OR1I1: variants seen among roughly 807,000 people sequenced by gnomAD.
OR1I1 encodes the protein olfactory receptor 1I1.
For missense variants in OR1I1, 451 were observed against 443.6 expected (o/e 1.02, Z -0.15); for synonymous variants, 171 against 181.4 (o/e 0.94, Z 0.46).
Position 15,089,940 on chromosome 19 carries a change from A to G in OR1I1, c.*1807A>G, listed in dbSNP as rs1442730933. ...ATAGGGTGTTTACAGAGGTCATTAG[A>G]TTACAGTAAGGTCATTAGGTTGGTC... On this transcript the variant is annotated 3_prime_UTR_variant, in exon 2 of 2. Coordinates refer to ENST00000641398, the MANE Select transcript of OR1I1 (RefSeq NM_001004713.2). 6.6e-6 allele frequency: 1 copy of G among 152,176 alleles called. No homozygotes were observed. The highest frequency in any genetic ancestry group is 1.5e-5 in the Non-Finnish European group (1 of 68,048). 9.4% of individuals were successfully genotyped at this position (152,176 alleles called of 1,614,324 possible).
At chr19:15,085,176 A>ATATATTTTT (rs1555717400) in intron 1 of OR1I1, among the ~76,000 whole-genome samples, 30 of 80,108 alleles carry the variant, frequency 3.7e-4, no homozygotes, top group Non-Finnish European at 5.1e-4. Flanking sequence ...ATATATATAT[A>ATATATTTTT]TTTTTTTTTT....
rs1490848532 is a variant in OR1I1, at chr19:15,088,090, C to A, written c.1025C>A (p.Pro342His). 1 of 1,567,022 alleles carries A rather than the reference C, an allele frequency of 6.4e-7. No individual in the cohort carries two copies. Among genetic ancestry groups the A allele is most frequent in the Non-Finnish European group, 8.7e-7 (1 of 1,150,952 alleles). ...RDTEMHPIPY[P>H]GGVQSLAGNR... Reference sequence around the variant, plus strand: ...ACAGAGATGCATCCCATCCCCTACCCTGGAGGAGTTCAGAGTCTAGCTGGG... The same window carrying A: ...ACAGAGATGCATCCCATCCCCTACCATGGAGGAGTTCAGAGTCTAGCTGGG... The change falls in exon 2 of 2, where the codon CCT (proline) becomes CAT (histidine). Residue 342 changes from proline (P) to histidine (H), a missense_variant. Coordinates refer to ENST00000641398, the MANE Select transcript of OR1I1 (RefSeq NM_001004713.2).
At position 15,090,203 on chromosome 19, in the gene OR1I1, T is replaced by TA. The variant is rs2046251176; in HGVS notation, c.*2070_*2071insA. 6.8e-6 allele frequency: 1 copy of TA among 147,238 alleles called. No individual in the cohort carries two copies. Among genetic ancestry groups the TA allele is most frequent in the African/African-American group, 2.5e-5 (1 of 39,458 alleles). 9.1% of individuals were successfully genotyped at this position (147,238 alleles called of 1,614,324 possible). ...AAAGCTGCTGACAACTGATCTTTTT[T>TA]TTTTTTTTTTTTTTTTGAGACGGAG... On this transcript the variant is annotated 3_prime_UTR_variant, in exon 2 of 2. Transcript: ENST00000641398.
chr19:15,087,399 A>G lies in OR1I1; in HGVS notation c.334A>G (p.Ser112Gly). Residue 112 changes from serine (S) to glycine (G), a missense_variant, in exon 2 of 2, where the codon AGC becomes GGC. Ser to Gly is a moderately conservative substitution (Grantham distance 56, BLOSUM62 0). Coordinates refer to ENST00000641398, the MANE Select transcript of OR1I1 (RefSeq NM_001004713.2). ...YAFHLFGTMD[S>G]FLLAVMAIDR... is the part of the protein sequence containing the mutation. ...CTTCCACCTGTTCGGGACCATGGACAGCTTTCTCCTGGCAGTAATGGCCAT... is the reference window on the plus strand; with the variant it reads ...CTTCCACCTGTTCGGGACCATGGACGGCTTTCTCCTGGCAGTAATGGCCAT... The G allele has an allele frequency of 6.2e-7, 1 of 1,614,174 alleles. No homozygotes were observed. Among genetic ancestry groups the G allele is most frequent in the Non-Finnish European group, 8.5e-7 (1 of 1,180,040 alleles).
chr19:15,086,824 C>A (rs1218136828), intron 1 of OR1I1, among the ~76,000 whole-genome samples: 1 of 152,080 alleles, frequency 6.6e-6, no homozygotes, highest in African/African-American at 2.4e-5. Context: ...TGACTATGAG[C>A]GACTCCGTTA....
rs755113363 is a variant in OR1I1 at position 15,087,942 on chromosome 19, C to T, written c.877C>T (p.Arg293Trp). 107 of 1,613,894 alleles carry T rather than the reference C, an allele frequency of 6.6e-5. No individual in the cohort carries two copies. In the Admixed American group the frequency reaches 1.1e-3, roughly 16 times the overall value. ...PMLNPFIYSI[R>W]NKDMKAALGK... ...GCTCAACCCCTTTATCTACAGCATA[C>T]GGAACAAGGATATGAAGGCAGCCCT... Residue 293 changes from arginine (R) to tryptophan (W), a missense_variant, in exon 2 of 2, where the codon CGG (arginine) becomes TGG (tryptophan). Coordinates refer to ENST00000641398, the MANE Select transcript of OR1I1 (RefSeq NM_001004713.2).
At position 15,087,719 on chromosome 19, in the gene OR1I1, C is replaced by A. The variant is rs140803534; in HGVS notation, c.654C>A (p.Tyr218Ter). ...CATTCTCCTGCATCCTTCTCTCGTA[C>A]ATCCGCATTTTCTGGACAGTCTTTA... ...TSPFSCILLS[Y>*]IRIFWTVFKI... Residue 218 changes from tyrosine (Y) to a stop codon, truncating the protein, a stop_gained, in exon 2 of 2, where the codon TAC becomes TAA. Transcript: ENST00000641398. LOFTEE classifies it low-confidence loss of function (END_TRUNC). 1 of 1,614,240 alleles carries A rather than the reference C, an allele frequency of 6.2e-7. No homozygotes were observed. The highest frequency in any genetic ancestry group is 8.5e-7 in the Non-Finnish European group (1 of 1,180,046).
intron 1 of OR1I1, among the ~76,000 whole-genome samples, chr19:15,085,176 A>ATATATT (rs1555717400): frequency 1.2e-4 from 10 of 80,134 alleles, no homozygotes; most frequent in Non-Finnish European, 1.8e-4. Context: ...ATATATATAT[A>ATATATT]TTTTTTTTTT....
chr19:15,086,232 T>G (rs2046229629), intron 1 of OR1I1, among the ~76,000 whole-genome samples: 1 of 151,998 alleles, frequency 6.6e-6, no homozygotes, highest in African/African-American at 2.4e-5. Flanking sequence ...GAGAATCACT[T>G]GAACCCAGGA....
chr19:15,085,155 TA>T (rs1568321838), intron 1 of OR1I1, among the ~76,000 whole-genome samples: 1,042 of 45,442 alleles, frequency 0.023, 107 homozygotes, highest in East Asian at 0.084. Flanking sequence ...TATATATATA[TA>T]TATATATATA....
At position 15,087,092 on chromosome 19, in the gene OR1I1, C is replaced by A. The variant is rs747217644; in HGVS notation, c.27C>A (p.Ile9=). The stretch of plus-strand genomic sequence containing the variant: ...TGGAACCAGAAAAGCAAACCGAAAT[C>A]TCAGAATTCTTCCTCCAGGGACTCT... The part of the protein sequence containing the change: MEPEKQTE[I]SEFFLQGLSE... Residue 9 remains isoleucine (I), a synonymous_variant, in exon 2 of 2, where the codon ATC becomes ATA. Coordinates refer to ENST00000641398, the MANE Select transcript of OR1I1 (RefSeq NM_001004713.2). 6.8e-6 allele frequency: 11 copies of A among 1,613,094 alleles called. No homozygotes were observed. The African/African-American group carries it at 1.1e-4, about 16-fold the overall frequency.
In OR1I1 at chr19:15,089,093, T is replaced by C. The variant is rs2046246685; in HGVS notation, c.*960T>C. 1 of 151,992 alleles carries C rather than the reference T, an allele frequency of 6.6e-6. No individual in the cohort carries two copies. The highest frequency in any genetic ancestry group is 1.5e-5 in the Non-Finnish European group (1 of 67,988). 9.4% of individuals were successfully genotyped at this position (151,992 alleles called of 1,614,324 possible). ...GGAGGTAGGTAGATAGATAGATAGA[T>C]AGATAGGTAGATACAGACAGCCCAT... On this transcript the variant is annotated 3_prime_UTR_variant, in exon 2 of 2. Transcript: ENST00000641398.
In OR1I1 at chr19:15,089,776, G is replaced by T. The variant is rs1332092335; in HGVS notation, c.*1643G>T. ...CTCTTGAGCCAAGGAGGTCGAGGCTGCATGAGCTATGTTCCTGCCACTGCA... is the reference window on the plus strand; with the variant it reads ...CTCTTGAGCCAAGGAGGTCGAGGCTTCATGAGCTATGTTCCTGCCACTGCA... On this transcript the variant is annotated 3_prime_UTR_variant, in exon 2 of 2. Coordinates refer to ENST00000641398, the MANE Select transcript of OR1I1 (RefSeq NM_001004713.2). 6.6e-6 allele frequency: 1 copy of T among 152,084 alleles called. No homozygotes were observed. Among genetic ancestry groups the T allele is most frequent in the African/African-American group, 2.4e-5 (1 of 41,402 alleles). 9.4% of individuals were successfully genotyped at this position (152,084 alleles called of 1,614,324 possible).
Position 15,085,155 on chromosome 19 carries a change from TATATATA to T in OR1I1, c.-13-1897_-13-1891del, listed in dbSNP as rs1568321842. The stretch of plus-strand genomic sequence containing the variant: ...TTATATATATATATATATATATATA[TATATATA>T]TATATATATATATATTTTTTTTTTT... On this transcript the variant is annotated intron_variant, in intron 1 of 1. Coordinates refer to ENST00000641398, the MANE Select transcript of OR1I1 (RefSeq NM_001004713.2). Among the ~76,000 whole-genome samples the T allele has an allele frequency of 3.0e-3, 135 of 45,446 alleles. 9 individuals carry two copies. The highest frequency in any genetic ancestry group is 0.015 in the African/African-American group (131 of 8,716). The allele number at this position is 45,446 out of a possible 152,430, so 29.8% of individuals were successfully genotyped here.
intron 1 of OR1I1, among the ~76,000 whole-genome samples, chr19:15,083,369 T>G (rs2145300784): frequency 6.6e-6 from 1 of 151,158 alleles, no homozygotes; most frequent in East Asian, 2.0e-4. Context: ...GTGCTGGGAT[T>G]ACAGGTGTGA....
intron 1 of OR1I1, among the ~76,000 whole-genome samples, chr19:15,086,178 G>A (rs949247585): frequency 3.3e-5 from 5 of 152,032 alleles, no homozygotes; most frequent in Non-Finnish European, 7.4e-5. Context: ...GCCAGTCATG[G>A]TGGTGCGTGC....
chr19:15,083,284 G>A (rs1220269289), intron 1 of OR1I1, among the ~76,000 whole-genome samples: 1 of 151,902 alleles, frequency 6.6e-6, no homozygotes, highest in Non-Finnish European at 1.5e-5. Flanking sequence ...TTGGGGGTGG[G>A]GTGGCCTCAC....
chr19:15,083,220 A>T (rs6512014), intron 1 of OR1I1, among the ~76,000 whole-genome samples: 77,379 of 151,620 alleles, frequency 0.51, 20,563 homozygotes, highest in Non-Finnish European at 0.58. Flanking sequence ...GGACTATGGA[A>T]GCATGCCACC....
chr19:15,087,040 T>C lies in OR1I1; in HGVS notation c.-13-13T>C, dbSNP rs1568322303. ...GGCTCTGTGTGGTTTTTCTCCCTTTTTGTTCCCACTAGTCACAGACCATAC... is the reference window on the plus strand; with the variant it reads ...GGCTCTGTGTGGTTTTTCTCCCTTTCTGTTCCCACTAGTCACAGACCATAC... On this transcript the variant is annotated splice_polypyrimidine_tract_variant and intron_variant, in intron 1 of 1. Transcript: ENST00000641398. 6.3e-7 allele frequency: 1 copy of C among 1,578,720 alleles called. No homozygotes were observed. Among genetic ancestry groups the C allele is most frequent in the East Asian group, 2.2e-5 (1 of 44,624 alleles).
Sources: gnomAD v4.1 joint callset for allele counts (sites outside exome capture counted in the v4.1 genomes callset) on GRCh38, gnomAD v4.1.1 for gene constraint, MANE v1.5 for transcripts, NCBI Gene and HGNC (gene_info 2026-07-23, HGNC 2026-07-21) for gene names.